PIP5K1B: variants seen among roughly 807,000 people sequenced by gnomAD.
The protein encoded by PIP5K1B is phosphatidylinositol 4-phosphate 5-kinase type-1 beta.
PIP5K1B carries 42 observed loss-of-function variants against 67.0 expected under a neutral mutation model. That is an observed-to-expected ratio of 0.63 (90% confidence interval 0.49 to 0.81). PIP5K1B has a LOEUF of 0.81. PIP5K1B is among the 30% of genes least tolerant of loss of function. The probability of loss-of-function intolerance (pLI) is 0.00; values close to 1 mark genes in which losing one functional copy is unlikely to be tolerated. For synonymous variants in PIP5K1B, 214 were observed against 231.4 expected (o/e 0.92, Z 0.68); for missense variants, 459 against 646.3 (o/e 0.71, Z 3.14).
intron 11 of PIP5K1B, among the ~76,000 whole-genome samples, 196 bp from the exon 12 acceptor site, chr9:68,923,106 C>T (rs572040935): frequency 1.3e-5 from 2 of 152,246 alleles, no homozygotes; most frequent in South Asian, 2.1e-4. Context: ...ATCTTTGTTC[C>T]GATTGAGTCT....
intron 6 of PIP5K1B, among the ~76,000 whole-genome samples, chr9:68,882,484 C>T (rs368761027): frequency 1.2e-4 from 18 of 151,904 alleles, no homozygotes; most frequent in African/African-American, 4.3e-4. Flanking sequence ...ATGTAGTAAC[C>T]AATGAAATAG....
intron 14 of PIP5K1B, among the ~76,000 whole-genome samples, chr9:68,989,388 G>A (rs941600022): frequency 3.9e-5 from 6 of 151,914 alleles, no homozygotes; most frequent in East Asian, 3.9e-4. Flanking sequence ...GGAAGGGGTC[G>A]CAGAGGAAGA....
Position 68,934,871 on chromosome 9 carries a change from C to A in PIP5K1B, c.1202-19C>A. ...TTTTACAGTAAATATCTGTATTTGT[C>A]CTTTTCCTTTCTGTCTAGCTTTGAA... On this transcript the variant is annotated intron_variant, in intron 12 of 15. Transcript: ENST00000265382. 6.3e-7 allele frequency: 1 copy of A among 1,576,554 alleles called. No homozygotes were observed. Among genetic ancestry groups the A allele is most frequent in the South Asian group, 1.2e-5 (1 of 84,016 alleles).
At chr9:68,818,719 A>G (rs1335188309) in intron 3 of PIP5K1B, among the ~76,000 whole-genome samples, 174 bp downstream of exon 3, 1 of 152,144 alleles carries the variant, frequency 6.6e-6, no homozygotes, top group Non-Finnish European at 1.5e-5. Flanking sequence ...AAGAAATTTT[A>G]TGAATTTTGG....
At chr9:68,970,748 G>A (rs917834039) in intron 14 of PIP5K1B, among the ~76,000 whole-genome samples, 6 of 152,162 alleles carry the variant, frequency 3.9e-5, no homozygotes, top group South Asian at 2.1e-4. Context: ...CACCCCCTGC[G>A]ATTTTTCTGG....
chr9:68,873,213 C>A (rs1823712461), intron 5 of PIP5K1B, among the ~76,000 whole-genome samples: 1 of 149,174 alleles, frequency 6.7e-6, no homozygotes, highest in African/African-American at 2.5e-5. Flanking sequence ...ATGTTTGAGT[C>A]ATATCTTTTC....
At chr9:68,739,176 C>G (rs1016895860) in intron 1 of PIP5K1B, among the ~76,000 whole-genome samples, 1 of 152,198 alleles carries the variant, frequency 6.6e-6, no homozygotes, top group African/African-American at 2.4e-5. Flanking sequence ...TTTTATTTTC[C>G]TATTTCATAT....
chr9:68,972,037 T>C (rs1829397556), intron 14 of PIP5K1B, among the ~76,000 whole-genome samples: 1 of 152,198 alleles, frequency 6.6e-6, no homozygotes, highest in Admixed American at 6.5e-5. Context: ...TTGCTTTTGG[T>C]GTTTTAGTCA....
intron 2 of PIP5K1B, among the ~76,000 whole-genome samples, chr9:68,758,214 C>G (rs1328353598): frequency 1.3e-5 from 2 of 152,020 alleles, no homozygotes; most frequent in East Asian, 3.8e-4. Flanking sequence ...TAGGATACAA[C>G]CGAGAATTAC....
chr9:68,886,656 C>A (rs577544132), intron 6 of PIP5K1B, among the ~76,000 whole-genome samples: 1 of 152,302 alleles, frequency 6.6e-6, no homozygotes, highest in Non-Finnish European at 1.5e-5. Flanking sequence ...ATCCGCGGAA[C>A]CAGGAAGAGT....
chr9:68,951,677 A>C (rs1222252807), intron 14 of PIP5K1B, among the ~76,000 whole-genome samples: 2 of 152,228 alleles, frequency 1.3e-5, no homozygotes, highest in Non-Finnish European at 2.9e-5. Context: ...CCATCATGTC[A>C]TCCAGCCCTT....
intron 4 of PIP5K1B, among the ~76,000 whole-genome samples, chr9:68,842,944 G>A (rs1821994382): frequency 6.6e-6 from 1 of 152,228 alleles, no homozygotes; most frequent in African/African-American, 2.4e-5. Flanking sequence ...GAACTGAAGT[G>A]AGCCAAGGTG....
chr9:68,725,563 AAGG>A (rs1828110963), intron 1 of PIP5K1B, among the ~76,000 whole-genome samples: 1 of 152,168 alleles, frequency 6.6e-6, no homozygotes. Flanking sequence ...GGTCCCCATA[AAGG>A]AGAATTCTCT....
chr9:68,873,859 T>C (rs1823746300), intron 5 of PIP5K1B, among the ~76,000 whole-genome samples: 1 of 152,206 alleles, frequency 6.6e-6, no homozygotes, highest in South Asian at 2.1e-4. Flanking sequence ...AAATCCATCA[T>C]CTTAACTACC....
intron 2 of PIP5K1B, among the ~76,000 whole-genome samples, chr9:68,787,915 G>T (rs1038479620): frequency 6.6e-6 from 1 of 152,202 alleles, no homozygotes; most frequent in Non-Finnish European, 1.5e-5. Flanking sequence ...TTACAGGCTT[G>T]AGCCACCATA....
intron 15 of PIP5K1B, among the ~76,000 whole-genome samples, chr9:68,995,626 A>C (rs1432688723): frequency 2.0e-5 from 3 of 151,984 alleles, no homozygotes; most frequent in Non-Finnish European, 2.9e-5. Flanking sequence ...ACCAACATGG[A>C]GAAACCCTAT....
At chr9:68,813,239 AAG>A (rs1833261980) in intron 2 of PIP5K1B, among the ~76,000 whole-genome samples, 1 of 152,250 alleles carries the variant, frequency 6.6e-6, no homozygotes, top group South Asian at 2.1e-4. Flanking sequence ...TGAAGAGCCA[AAG>A]AGAGAGTGAT....
chr9:68,924,220 G>A (rs1273677272), intron 12 of PIP5K1B, among the ~76,000 whole-genome samples: 1 of 150,740 alleles, frequency 6.6e-6, no homozygotes, highest in African/African-American at 2.4e-5. Context: ...TGGCCAATAT[G>A]GTGAAACCCC....
intron 14 of PIP5K1B, among the ~76,000 whole-genome samples, chr9:68,951,713 G>T (rs746440842): frequency 6.6e-6 from 1 of 152,146 alleles, no homozygotes; most frequent in Non-Finnish European, 1.5e-5. Flanking sequence ...GGTATTGATT[G>T]ATTTTAAAAT....
Sources: allele counts gnomAD v4.1 joint callset (sites outside exome capture counted in the v4.1 genomes callset), GRCh38; gene constraint gnomAD v4.1.1; transcripts MANE v1.5; gene names NCBI Gene and HGNC (gene_info 2026-07-23, HGNC 2026-07-21).